ENTHD1: variants seen among roughly 807,000 people sequenced by gnomAD.
ENTHD1 encodes ENTH domain-containing protein 1.
Under a neutral mutation model 39.1 loss-of-function variants are expected in ENTHD1, and 23 were observed. The ratio of observed to expected loss-of-function variants is 0.59; its 90% CI spans 0.42 to 0.83. The LOEUF is 0.83. ENTHD1 is among the 40% of genes least tolerant of loss of function. The pLI, the probability that ENTHD1 is intolerant of heterozygous loss-of-function variation, is 0.00. For missense variants in ENTHD1, 624 were observed against 705.4 expected (o/e 0.88, Z 1.31); for synonymous variants, 230 against 258.2 (o/e 0.89, Z 1.05).
At chr22:39,833,941 CAAAAAAA>C (rs59299623) in intron 4 of ENTHD1, among the ~76,000 whole-genome samples, 1,979 of 117,906 alleles carry the variant, frequency 0.017, 28 homozygotes, top group Non-Finnish European at 0.022. Context: ...TATACTTGGG[CAAAAAAA>C]AAAAAAAAAA....
chr22:39,803,705 A>T (rs2065617285), intron 5 of ENTHD1, among the ~76,000 whole-genome samples: 1 of 152,150 alleles, frequency 6.6e-6, no homozygotes, highest in Non-Finnish European at 1.5e-5. Context: ...CTGGGTTTTG[A>T]CTCTAATTTA....
Position 39,743,975 on chromosome 22 carries a change from T to A in ENTHD1, c.1528A>T (p.Ser510Cys). ...GTGGAAAACTCCCCCCAGTGACTACTAGAAATGTGACTTATATTCTTTTTA... is the reference window on the plus strand; with the variant it reads ...GTGGAAAACTCCCCCCAGTGACTACAAGAAATGTGACTTATATTCTTTTTA... ...SAKKNISHISSSHWGEFSTQN... is the reference protein window; with the variant it reads ...SAKKNISHISCSHWGEFSTQN... The change falls in exon 7 of 7, where the codon AGT becomes TGT. Residue 510 changes from serine to cysteine, a missense_variant. By Grantham distance (112) the Ser-to-Cys change is moderately radical (BLOSUM62 -1). Coordinates refer to ENST00000325157, the MANE Select transcript of ENTHD1 (RefSeq NM_152512.4). 1 of 1,614,200 alleles carries A rather than the reference T, an allele frequency of 6.2e-7. No individual in the cohort carries two copies. The highest frequency in any genetic ancestry group is 8.5e-7 in the Non-Finnish European group (1 of 1,180,016).
intron 4 of ENTHD1, among the ~76,000 whole-genome samples, chr22:39,827,172 C>T (rs1438959108): frequency 1.3e-5 from 2 of 151,924 alleles, no homozygotes; most frequent in African/African-American, 2.4e-5. Flanking sequence ...CCTGCCACCA[C>T]GCCTGGCTAA....
intron 5 of ENTHD1, among the ~76,000 whole-genome samples, chr22:39,775,338 T>TGTG (rs1313552414): frequency 1.4e-4 from 21 of 152,170 alleles, no homozygotes; most frequent in African/African-American, 4.8e-4. Flanking sequence ...CTGTATTCAC[T>TGTG]TGATAAGTGT....
chr22:39,791,358 T>A (rs948189373), intron 5 of ENTHD1, among the ~76,000 whole-genome samples: 135 of 150,056 alleles, frequency 9.0e-4, no homozygotes, highest in African/African-American at 3.2e-3. Context: ...TAAAAATATA[T>A]GAAGATATAT....
chr22:39,844,452 A>G (rs969998432), intron 3 of ENTHD1, among the ~76,000 whole-genome samples: 5 of 152,182 alleles, frequency 3.3e-5, no homozygotes, highest in African/African-American at 7.2e-5. Context: ...AGGGACAAGG[A>G]AAAATAAACA....
At chr22:39,840,184 C>T (rs1044281944) in intron 3 of ENTHD1, among the ~76,000 whole-genome samples, 2 of 152,166 alleles carry the variant, frequency 1.3e-5, no homozygotes, top group Non-Finnish European at 2.9e-5. Context: ...TGTGAAGTCA[C>T]AAGCCAGTGA....
At chr22:39,774,999 A>G (rs949332237) in intron 5 of ENTHD1, among the ~76,000 whole-genome samples, 1 of 152,172 alleles carries the variant, frequency 6.6e-6, no homozygotes, top group African/African-American at 2.4e-5. Flanking sequence ...TCATTCTTCA[A>G]GGTCTCATTC....
chr22:39,798,725 C>T (rs1052567370), intron 5 of ENTHD1, among the ~76,000 whole-genome samples: 4 of 152,114 alleles, frequency 2.6e-5, no homozygotes, highest in Admixed American at 6.5e-5. Flanking sequence ...TGGGCTTCCA[C>T]GTGGCTTGTT....
At chr22:39,756,316 T>TCTCTCTCA (rs1433242336) in intron 6 of ENTHD1, among the ~76,000 whole-genome samples, 13 of 138,012 alleles carry the variant, frequency 9.4e-5, no homozygotes, top group African/African-American at 1.7e-4. Flanking sequence ...TCTCTCTCTC[T>TCTCTCTCA]CACACACACA....
At position 39,813,282 on chromosome 22, in the gene ENTHD1, A is replaced by G. The variant is rs570531999; in HGVS notation, c.832+7711T>C. 3.6e-3 allele frequency among the ~76,000 whole-genome samples: 553 copies of G among 152,386 alleles called. 5 individuals carry two copies. Among genetic ancestry groups the G allele is most frequent in the African/African-American group, 0.012 (487 of 41,592 alleles). Reference sequence around the variant, plus strand: ...ATTCCAACTCTTTTGTGAGTGTAGCATGACCTCAGAATCAGAATATGACAA... The same window carrying G: ...ATTCCAACTCTTTTGTGAGTGTAGCGTGACCTCAGAATCAGAATATGACAA... On this transcript the variant is annotated intron_variant, in intron 5 of 6. Transcript: ENST00000325157.
chr22:39,764,825 C>T (rs776035532), intron 6 of ENTHD1, among the ~76,000 whole-genome samples: 1 of 151,744 alleles, frequency 6.6e-6, no homozygotes, highest in African/African-American at 2.4e-5. Flanking sequence ...CACATACACC[C>T]GTGTGTATGT....
rs142586325 is a variant in ENTHD1 at position 39,855,914 on chromosome 22, A to G, written c.592+5851T>C. Among the ~76,000 whole-genome samples, 7 of 152,204 alleles carry G rather than the reference A, an allele frequency of 4.6e-5. No individual in the cohort carries two copies. In the East Asian group the frequency reaches 1.3e-3, roughly 29 times the overall value. ...CTCTACTATCATAACTTGTGGATGCACCTCCTTCTAACTAATCTACCTATC... is the reference window on the plus strand; with the variant it reads ...CTCTACTATCATAACTTGTGGATGCGCCTCCTTCTAACTAATCTACCTATC... On this transcript the variant is annotated intron_variant, in intron 3 of 6. Transcript: ENST00000325157.
chr22:39,837,405 A>T (rs1026406352), intron 3 of ENTHD1, among the ~76,000 whole-genome samples: 5 of 152,012 alleles, frequency 3.3e-5, no homozygotes, highest in Non-Finnish European at 7.4e-5. Context: ...CTAATAATCA[A>T]TTTTCTCCCA....
At chr22:39,770,265 C>T (rs2065311238) in intron 5 of ENTHD1, among the ~76,000 whole-genome samples, 1 of 152,088 alleles carries the variant, frequency 6.6e-6, no homozygotes, top group Non-Finnish European at 1.5e-5. Context: ...ACAAGAGGTG[C>T]TAGAGGGAGA....
chr22:39,767,751 C>T (rs1010609105), intron 5 of ENTHD1, among the ~76,000 whole-genome samples: 2 of 152,154 alleles, frequency 1.3e-5, no homozygotes, highest in African/African-American at 4.8e-5. Context: ...AAAATATTCA[C>T]AATACTTAAT....
intron 3 of ENTHD1, among the ~76,000 whole-genome samples, chr22:39,855,898 CAT>C (rs1346285727): frequency 2.0e-5 from 3 of 152,168 alleles, no homozygotes; most frequent in Non-Finnish European, 2.9e-5. Context: ...CCTCTACTAT[CAT>C]AACTTGTGGA....
intron 6 of ENTHD1, among the ~76,000 whole-genome samples, chr22:39,763,365 T>C (rs149248597): frequency 4.2e-4 from 64 of 152,312 alleles, no homozygotes; most frequent in African/African-American, 1.5e-3. Context: ...TGTTTTGAAA[T>C]GACAAAAAGG....
At chr22:39,885,675 T>A (rs1265249818) in intron 2 of ENTHD1, among the ~76,000 whole-genome samples, 1 of 152,178 alleles carries the variant, frequency 6.6e-6, no homozygotes, top group Non-Finnish European at 1.5e-5. Context: ...TTCTGATACA[T>A]CCTACAACAT....
Sources: allele counts gnomAD v4.1 joint callset (sites outside exome capture counted in the v4.1 genomes callset), GRCh38; gene constraint gnomAD v4.1.1; transcripts MANE v1.5; gene names NCBI Gene and HGNC (gene_info 2026-07-23, HGNC 2026-07-21).